Variants in EXOC2 observed in about 807,000 individuals in gnomAD.
EXOC2 encodes exocyst complex component 2.
Under a neutral mutation model 131.8 loss-of-function variants are expected in EXOC2, and 70 were observed. That is an observed-to-expected ratio of 0.53 (90% CI 0.44 to 0.65). The LOEUF (loss-of-function observed/expected upper bound fraction) is 0.65, where lower values mean the gene tolerates loss of function less well. EXOC2 is among the 30% of genes least tolerant of loss of function. The pLI, the probability that EXOC2 is intolerant of heterozygous loss-of-function variation, is 0.00. For missense variants in EXOC2, 923 were observed against 1,108.6 expected, an observed-to-expected ratio of 0.83 and a Z score of 2.38; for synonymous variants, 411 against 398.4, an observed-to-expected ratio of 1.03 and a Z score of -0.38.
intron 1 of EXOC2, chr6:656,646 A>C (rs769115820): frequency 6.2e-7 from 1 of 1,607,132 alleles, no homozygotes; most frequent in Non-Finnish European, 8.5e-7. Flanking sequence ...CTGCAGCTTC[A>C]GGGAGGACGC....
chr6:556,115 G>A (rs549939429), intron 18 of EXOC2, 102 bp from the exon 19 acceptor site: 25 of 1,047,454 alleles, frequency 2.4e-5, no homozygotes, highest in Non-Finnish European at 3.6e-5. Context: ...CGCTGCTGCA[G>A]GAGTGGTGCC....
intron 23 of EXOC2, among the ~76,000 whole-genome samples, chr6:500,456 G>A (rs2127482159): frequency 6.6e-6 from 1 of 152,328 alleles, no homozygotes; most frequent in East Asian, 1.9e-4. Flanking sequence ...GCTGCTAGTT[G>A]TGACTTTTGG....
At chr6:487,207 C>G (rs1019868586) in intron 27 of EXOC2, among the ~76,000 whole-genome samples, 1 of 152,198 alleles carries the variant, frequency 6.6e-6, no homozygotes, top group Non-Finnish European at 1.5e-5. Flanking sequence ...TAGTCAGCCT[C>G]TTCCCTAACC....
chr6:680,567 T>A (rs1396494538), intron 1 of EXOC2, among the ~76,000 whole-genome samples: 3 of 152,080 alleles, frequency 2.0e-5, no homozygotes, highest in African/African-American at 7.2e-5. Context: ...CCACACAGAA[T>A]AGCCCACTTC....
chr6:633,144 A>G (rs763278801), intron 2 of EXOC2, 27 bp from the exon 3 acceptor site: 1 of 1,604,924 alleles, frequency 6.2e-7, no homozygotes, highest in Admixed American at 1.7e-5. Flanking sequence ...GTGCATAACA[A>G]AATTCAAAGA....
chr6:549,864 G>A (rs184857192), intron 21 of EXOC2, among the ~76,000 whole-genome samples: 57 of 152,312 alleles, frequency 3.7e-4, no homozygotes, highest in Admixed American at 7.8e-4. Flanking sequence ...TGGGGAGTGA[G>A]GGTCACTGAG....
intron 22 of EXOC2, among the ~76,000 whole-genome samples, chr6:540,976 A>G (rs1490213314): frequency 6.6e-6 from 1 of 152,254 alleles, no homozygotes; most frequent in Non-Finnish European, 1.5e-5. Flanking sequence ...GGACTGAACA[A>G]CATAATCCAC....
rs754960039 is a variant in EXOC2, at chr6:633,076, A to G, written c.160T>C (p.Trp54Arg). 3.7e-6 allele frequency: 6 copies of G among 1,613,966 alleles called. No individual in the cohort carries two copies. The highest frequency in any genetic ancestry group is 5.1e-6 in the Non-Finnish European group (6 of 1,180,010). The change falls in exon 3 of 28, where the codon TGG (tryptophan) becomes CGG (arginine). Residue 54 changes from tryptophan (W) to arginine (R), a missense_variant. By Grantham distance (101) the Trp-to-Arg change is moderately radical. Coordinates refer to ENST00000230449, the MANE Select transcript of EXOC2 (RefSeq NM_018303.6). ...CGHNCLLTAE[W>R]MSASKIVCRV... ...CATACTATTTTACTTGCAGACATCC[A>G]TTCTGCCGTCAGGAGGCAATTATGT...
At chr6:589,393 G>A (rs771238347) in intron 11 of EXOC2, among the ~76,000 whole-genome samples, 12 of 152,084 alleles carry the variant, frequency 7.9e-5, no homozygotes, top group Non-Finnish European at 1.3e-4. Flanking sequence ...GCACCCGCAC[G>A]GTGTCTGGAA....
intron 1 of EXOC2, among the ~76,000 whole-genome samples, chr6:690,492 C>T (rs1319316469): frequency 2.0e-5 from 3 of 152,070 alleles, no homozygotes; most frequent in African/African-American, 7.2e-5. Flanking sequence ...GGGTGGATCA[C>T]GAGGTCCACC....
chr6:676,620 T>C (rs754206767), intron 1 of EXOC2, among the ~76,000 whole-genome samples: 9 of 7,948 alleles, frequency 1.1e-3, no homozygotes, highest in Admixed American at 6.6e-3. Context: ...GTTCCTCTGG[T>C]GACTCTGCGG....
chr6:636,188 G>A (rs1334961596), intron 2 of EXOC2, among the ~76,000 whole-genome samples: 12 of 152,220 alleles, frequency 7.9e-5, no homozygotes, highest in Non-Finnish European at 4.4e-5. Flanking sequence ...AGCGCACAAT[G>A]ACTGCCAGCG....
chr6:632,429 G>A (rs1267790817), intron 3 of EXOC2, among the ~76,000 whole-genome samples: 4 of 152,116 alleles, frequency 2.6e-5, no homozygotes, highest in Admixed American at 2.6e-4. Context: ...GCATAAAGAA[G>A]GAAAACAAAG....
At chr6:617,972 T>G in intron 5 of EXOC2, 137 bp from the exon 6 acceptor site, 1 of 1,040,360 alleles carries the variant, frequency 9.6e-7, no homozygotes, top group Non-Finnish European at 1.3e-6. Flanking sequence ...CGAAGCCAGA[T>G]GAAATCAAAA....
chr6:519,134 C>T (rs1430464445), intron 23 of EXOC2, among the ~76,000 whole-genome samples: 23 of 122,454 alleles, frequency 1.9e-4, no homozygotes, highest in African/African-American at 6.3e-4. Context: ...ACCCACCGAG[C>T]GCCGACACTC....
chr6:489,113 AATT>A, intron 26 of EXOC2, 75 bp from the exon 27 acceptor site: 2 of 1,366,524 alleles, frequency 1.5e-6, no homozygotes, highest in Non-Finnish European at 2.1e-6. Context: ...AGCATCCCTT[AATT>A]ATTGAGAAGC....
At chr6:564,252 C>T (rs1049296766) in intron 15 of EXOC2, 98 bp from the exon 16 acceptor site, 17 of 1,496,112 alleles carry the variant, frequency 1.1e-5, no homozygotes, top group South Asian at 4.1e-5. Context: ...ACGGAGCTTA[C>T]GAGCTACAGC....
At chr6:501,740 T>A (rs1489054595) in intron 23 of EXOC2, among the ~76,000 whole-genome samples, 1 of 142,310 alleles carries the variant, frequency 7.0e-6, no homozygotes, top group Non-Finnish European at 1.5e-5. Flanking sequence ...GTATATATAT[T>A]GGCTCCTCAA....
At chr6:546,625 T>G (rs1756876094) in intron 22 of EXOC2, among the ~76,000 whole-genome samples, 1 of 152,184 alleles carries the variant, frequency 6.6e-6, no homozygotes, top group South Asian at 2.1e-4. Context: ...CTAGTCCACA[T>G]GAAGATGAGG....
Sources: gnomAD v4.1 joint callset for allele counts (sites outside exome capture counted in the v4.1 genomes callset) on GRCh38, gnomAD v4.1.1 for gene constraint, MANE v1.5 for transcripts, NCBI Gene and HGNC (gene_info 2026-07-23, HGNC 2026-07-21) for gene names.